SPATA3: variants seen among roughly 807,000 people sequenced by gnomAD.
SPATA3 encodes the protein spermatogenesis associated 3.
In SPATA3, 6 loss-of-function variants were observed where a neutral mutation model predicts 5.7. The ratio of observed to expected loss-of-function variants is 1.06; its 90% confidence interval spans 0.58 to 2.09. The LOEUF is 2.09. Ranked by LOEUF, SPATA3 falls within the 30% of genes most tolerant of loss-of-function variation. SPATA3 has a pLI of 0.00. For synonymous variants in SPATA3, 44 were observed against 48.4 expected (o/e 0.91, Z 0.37); for missense variants, 155 against 130.4 (o/e 1.19, Z -0.92).
At chr2:231,004,873 G>GCA (rs904079695), downstream of SPATA3, among the ~76,000 whole-genome samples, 207 of 152,046 alleles carry the variant, frequency 1.4e-3, 3 homozygotes, top group Non-Finnish European at 3.5e-4. Flanking sequence ...AAAACACTTA[G>GCA]CACAGTTCCT....
intron 1 of SPATA3, among the ~76,000 whole-genome samples, chr2:230,998,070 G>C (rs10804373): frequency 0.3 from 46,122 of 151,962 alleles, 7,187 homozygotes; most frequent in East Asian, 0.45. Flanking sequence ...AAGAGGCCTA[G>C]GAGTCTCCAC....
At chr2:231,000,616 C>A in intron 2 of SPATA3, 79 bp downstream of exon 2, 1 of 1,280,258 alleles carries the variant, frequency 7.8e-7, no homozygotes, top group Non-Finnish European at 1.0e-6. Context: ...TATTAGCAAT[C>A]ATGTATCACT....
intron 6 of SPATA3, among the ~76,000 whole-genome samples, chr2:231,018,320 G>A (rs746713826): frequency 2.0e-5 from 3 of 152,020 alleles, no homozygotes; most frequent in African/African-American, 4.8e-5. Flanking sequence ...TACTCTTTCT[G>A]CAGGCTGTTG....
downstream of SPATA3, among the ~76,000 whole-genome samples, chr2:231,012,001 A>C (rs1218762703): frequency 1.3e-5 from 2 of 152,242 alleles, no homozygotes; most frequent in Non-Finnish European, 2.9e-5. Context: ...CCAATGTCCC[A>C]AGATGCATTC....
intron 2 of SPATA3, among the ~76,000 whole-genome samples, chr2:231,001,693 G>A (rs1403099825): frequency 6.6e-6 from 1 of 152,190 alleles, no homozygotes. Context: ...AAGTGTTATT[G>A]AGGGAAACTT....
chr2:231,005,445 C>T (rs1334899174), downstream of SPATA3, among the ~76,000 whole-genome samples: 20 of 45,116 alleles, frequency 4.4e-4, no homozygotes, highest in East Asian at 8.7e-4. Context: ...ACAATCACCA[C>T]CATCACCACC....
chr2:231,000,495 T>C, exon 2 of SPATA3: 1 of 1,548,928 alleles, frequency 6.5e-7, no homozygotes, highest in South Asian at 1.2e-5. Context: ...GACTGGCAGA[T>C]GGCGCCAGGG....
At chr2:231,010,301 T>C (rs1302994973), downstream of SPATA3, among the ~76,000 whole-genome samples, 2 of 152,322 alleles carry the variant, frequency 1.3e-5, no homozygotes, top group South Asian at 2.1e-4. Flanking sequence ...CTTGTAGAAA[T>C]AGGACTGGAC....
chr2:231,002,969 A>T, downstream of SPATA3: 1 of 432,666 alleles, frequency 2.3e-6, no homozygotes, highest in Non-Finnish European at 4.1e-6. Context: ...GGAAGACCTG[A>T]TGCTCTCAGA....
At chr2:230,999,336 C>T (rs1692258669) in intron 1 of SPATA3, among the ~76,000 whole-genome samples, 1 of 152,056 alleles carries the variant, frequency 6.6e-6, no homozygotes, top group Admixed American at 6.6e-5. Flanking sequence ...TGTGAATATA[C>T]TAAAAACCAC....
intron 6 of SPATA3, among the ~76,000 whole-genome samples, chr2:231,014,668 G>T (rs974079163): frequency 2.7e-4 from 41 of 152,210 alleles, no homozygotes; most frequent in African/African-American, 9.2e-4. Context: ...GTACTCTGCT[G>T]GTCTCCATCC....
At chr2:231,000,275 T>TG in intron 1 of SPATA3, 91 bp from the exon 2 acceptor site, 5 of 1,194,860 alleles carry the variant, frequency 4.2e-6, no homozygotes, top group South Asian at 2.0e-5. Context: ...GCTGCCGTTG[T>TG]GGGGGGCCTT....
At chr2:230,996,845 G>A (rs563437251) in intron 1 of SPATA3, among the ~76,000 whole-genome samples, 10 of 152,276 alleles carry the variant, frequency 6.6e-5, no homozygotes, top group African/African-American at 2.4e-4. Context: ...TAAAAACCAA[G>A]GATGCATTTA....
downstream of SPATA3, among the ~76,000 whole-genome samples, chr2:231,010,399 A>G (rs187206413): frequency 6.6e-6 from 1 of 152,358 alleles, no homozygotes; most frequent in African/African-American, 2.4e-5. Context: ...TCTGAGCAGC[A>G]TTCCTTCCTC....
At chr2:231,014,079 C>G (rs1254856080) in exon 6 of SPATA3, 1 of 152,132 alleles carries the variant, frequency 6.6e-6, no homozygotes, top group Non-Finnish European at 1.5e-5. Flanking sequence ...GGGGGTTAGA[C>G]ACCCTTCATC....
intron 6 of SPATA3, among the ~76,000 whole-genome samples, chr2:231,018,877 A>G (rs1271443986): frequency 6.6e-6 from 1 of 150,952 alleles, no homozygotes; most frequent in East Asian, 2.0e-4. Flanking sequence ...GTAGAGATGG[A>G]GTTTCACCAT....
At chr2:231,002,604 A>G in intron 2 of SPATA3, 80 bp from the exon 3 acceptor site, 4 of 859,704 alleles carry the variant, frequency 4.7e-6, no homozygotes, top group Non-Finnish European at 6.8e-6. Context: ...AGGGGGCCAC[A>G]TAATTTCCAC....
chr2:231,009,868 A>G (rs11690391), downstream of SPATA3, among the ~76,000 whole-genome samples: 52,501 of 151,948 alleles, frequency 0.35, 9,198 homozygotes, highest in Non-Finnish European at 0.37. Flanking sequence ...GGCTTAGGCC[A>G]TTGTATTCAG....
downstream of SPATA3, among the ~76,000 whole-genome samples, chr2:231,004,977 C>G (rs1245344492): frequency 1.5e-5 from 2 of 133,272 alleles, no homozygotes; most frequent in Non-Finnish European, 3.3e-5. Flanking sequence ...ATCACCATCA[C>G]CATCCTCATC....
Sources: allele counts gnomAD v4.1 joint callset (sites outside exome capture counted in the v4.1 genomes callset), GRCh38; gene constraint gnomAD v4.1.1; transcripts MANE v1.5; gene names NCBI Gene and HGNC (gene_info 2026-07-23, HGNC 2026-07-21).